DYRK1A: variants seen among roughly 807,000 people sequenced by gnomAD.
DYRK1A encodes the protein dual specificity tyrosine phosphorylation regulated kinase 1A, also known as dual specificity tyrosine-phosphorylation-regulated kinase 1A.
A neutral mutation model predicts 79.7 loss-of-function variants in DYRK1A; 9 were observed. That is an observed-to-expected ratio of 0.11 (90% CI 0.07 to 0.20). The LOEUF is 0.20. Ranked by LOEUF, DYRK1A falls within the 10% of genes least tolerant of loss-of-function variation. The pLI is 1.00. For missense variants in DYRK1A, 622 were observed against 956.0 expected (o/e 0.65, Z 4.61); for synonymous variants, 349 against 329.7 (o/e 1.06, Z -0.63).
intron 6 of DYRK1A, among the ~76,000 whole-genome samples, chr21:37,489,469 G>A (rs978329760): frequency 6.6e-6 from 1 of 152,118 alleles, no homozygotes; most frequent in African/African-American, 2.4e-5. Flanking sequence ...CCACTCACAA[G>A]CCTCCTTATC....
At chr21:37,482,319 G>A (rs569076313) in intron 5 of DYRK1A, among the ~76,000 whole-genome samples, 1 of 152,118 alleles carries the variant, frequency 6.6e-6, no homozygotes, top group Non-Finnish European at 1.5e-5. Context: ...CGGCCGGTTT[G>A]AGAAATAAAG....
At chr21:37,462,315 C>T (rs2051868084) in intron 2 of DYRK1A, among the ~76,000 whole-genome samples, 1 of 152,134 alleles carries the variant, frequency 6.6e-6, no homozygotes, top group African/African-American at 2.4e-5. Flanking sequence ...TCCTGGCAGG[C>T]TGTTAATTCA....
intron 2 of DYRK1A, among the ~76,000 whole-genome samples, chr21:37,440,059 T>C (rs897394748): frequency 3.3e-5 from 5 of 151,444 alleles, no homozygotes; most frequent in African/African-American, 1.2e-4. Flanking sequence ...TGATTTCTGT[T>C]TTTCTGTTTT....
chr21:37,483,555 T>C lies in DYRK1A; in HGVS notation c.489+2729T>C, dbSNP rs554940540. 8.1e-4 allele frequency among the ~76,000 whole-genome samples: 123 copies of C among 152,242 alleles called. 1 individual carries two copies. The highest frequency in any genetic ancestry group is 2.9e-3 in the African/African-American group (119 of 41,550). On this transcript the variant is annotated intron_variant, in intron 5 of 11. Transcript: ENST00000647188. ...TCTTCTGAGGGGGTTTTCAGTGCTT[T>C]GGGAGTCCTTTTTTTTGTTTTGTTT...
intron 1 of DYRK1A, among the ~76,000 whole-genome samples, chr21:37,405,069 CTT>C (rs2050123625): frequency 6.6e-6 from 1 of 152,070 alleles, no homozygotes; most frequent in Admixed American, 6.6e-5. Flanking sequence ...AGACAGTTTT[CTT>C]TTACATTTTA....
rs1404743856 is a variant in DYRK1A, at chr21:37,517,200, A to C, written c.*4669A>C. The C allele has an allele frequency of 2.6e-5, 4 of 152,228 alleles. No individual in the cohort carries two copies. Among genetic ancestry groups the C allele is most frequent in the Non-Finnish European group, 5.9e-5 (4 of 68,100 alleles). 9.4% of individuals were successfully genotyped at this position (152,228 alleles called of 1,614,324 possible). On this transcript the variant is annotated 3_prime_UTR_variant, in exon 12 of 12. Coordinates refer to ENST00000647188, the MANE Select transcript of DYRK1A (RefSeq NM_001347721.2). ...AGAGCCTGAGTCATGTTGACTATTA[A>C]TAAAGTGCATTAAGTTTGGGTCAGG...
chr21:37,416,416 C>G (rs979864510), intron 1 of DYRK1A, among the ~76,000 whole-genome samples: 3 of 144,144 alleles, frequency 2.1e-5, no homozygotes, highest in Non-Finnish European at 3.0e-5. Flanking sequence ...TGAAATCCTC[C>G]TATATAACTG....
At chr21:37,417,436 C>G (rs144926105) in intron 1 of DYRK1A, among the ~76,000 whole-genome samples, 1 of 151,718 alleles carries the variant, frequency 6.6e-6, no homozygotes, top group African/African-American at 2.4e-5. Flanking sequence ...TCAGGTGATA[C>G]GCCCACCTCG....
At chr21:37,444,921 C>T (rs931405390) in intron 2 of DYRK1A, among the ~76,000 whole-genome samples, 6 of 152,000 alleles carry the variant, frequency 3.9e-5, no homozygotes, top group African/African-American at 1.2e-4. Flanking sequence ...GGTGCTACAC[C>T]GAACATATTT....
At chr21:37,480,284 G>A (rs1417679619) in intron 4 of DYRK1A, among the ~76,000 whole-genome samples, 1 of 152,168 alleles carries the variant, frequency 6.6e-6, no homozygotes, top group Non-Finnish European at 1.5e-5. Context: ...TTACTTGGCT[G>A]TTTGGCATTT....
rs981945203 is a variant in DYRK1A at position 37,522,766 on chromosome 21, C to G, written c.*10235C>G. ...TCTGAAGAATCAAGTCTGAGTGATG[C>G]AATGCTGCTTCCTCCTTCCTTCTCA... On this transcript the variant is annotated 3_prime_UTR_variant, in exon 12 of 12. Transcript: ENST00000647188. 1.3e-5 allele frequency: 2 copies of G among 152,266 alleles called. No homozygotes were observed. The highest frequency in any genetic ancestry group is 2.4e-5 in the African/African-American group (1 of 41,452). The allele number at this position is 152,266 out of a possible 1,614,324, so 9.4% of individuals were successfully genotyped here.
Position 37,433,476 on chromosome 21 carries a change from A to G in DYRK1A, c.10+13092A>G, listed in dbSNP as rs1237409825. Among the ~76,000 whole-genome samples the G allele has an allele frequency of 2.6e-5, 4 of 152,344 alleles. No individual in the cohort carries two copies. The East Asian group carries it at 5.8e-4, about 22-fold the overall frequency. ...GAACAAACCAAAATATTAAAGATTC[A>G]TGAGTAAGAGTATGAATGAAATTGG... is the stretch of plus-strand genomic sequence containing the variant. On this transcript the variant is annotated intron_variant, in intron 2 of 11. Coordinates refer to ENST00000647188, the MANE Select transcript of DYRK1A (RefSeq NM_001347721.2).
chr21:37,507,953 A>G (rs948388763), intron 11 of DYRK1A, among the ~76,000 whole-genome samples: 2 of 152,156 alleles, frequency 1.3e-5, no homozygotes, highest in Non-Finnish European at 2.9e-5. Context: ...ATGTGCACAC[A>G]CAGCACATAA....
intron 1 of DYRK1A, among the ~76,000 whole-genome samples, chr21:37,396,827 G>C (rs2049967025): frequency 6.6e-6 from 1 of 152,170 alleles, no homozygotes; most frequent in African/African-American, 2.4e-5. Flanking sequence ...ATCATGTAGA[G>C]AGTAGTGAAT....
At chr21:37,452,048 A>AT (rs2051470283) in intron 2 of DYRK1A, among the ~76,000 whole-genome samples, 1 of 152,058 alleles carries the variant, frequency 6.6e-6, no homozygotes, top group Admixed American at 6.5e-5. Context: ...AGGGGACAGG[A>AT]TGGAGAGAAA....
chr21:37,457,869 G>A (rs2051705227), intron 2 of DYRK1A, among the ~76,000 whole-genome samples: 1 of 152,160 alleles, frequency 6.6e-6, no homozygotes, highest in African/African-American at 2.4e-5. Context: ...TGCTGTGCCT[G>A]CTTTAGAAGA....
intron 1 of DYRK1A, among the ~76,000 whole-genome samples, chr21:37,416,689 TTATG>T (rs1269775499): frequency 6.6e-6 from 1 of 152,148 alleles, no homozygotes; most frequent in Non-Finnish European, 1.5e-5. Flanking sequence ...TAAGTTTAAT[TTATG>T]TAATCTAATT....
At chr21:37,437,141 G>C (rs984020584) in intron 2 of DYRK1A, among the ~76,000 whole-genome samples, 2 of 152,172 alleles carry the variant, frequency 1.3e-5, no homozygotes, top group Non-Finnish European at 2.9e-5. Context: ...CTATGTTGTT[G>C]AGGGCCCTAA....
rs115002606 is a variant in DYRK1A at position 37,405,764 on chromosome 21, A to T, written c.-76-14535A>T. On this transcript the variant is annotated intron_variant, in intron 1 of 11. Coordinates refer to ENST00000647188, the MANE Select transcript of DYRK1A (RefSeq NM_001347721.2). ...GTGTATGGTGTGTGCGTAGTCATAC[A>T]TTAGTGTGATTTTTGTCTGTTTTGA... is the stretch of plus-strand genomic sequence containing the variant. 9.1e-3 allele frequency among the ~76,000 whole-genome samples: 1,378 copies of T among 152,228 alleles called. 19 individuals carry two copies. The highest frequency in any genetic ancestry group is 0.032 in the African/African-American group (1,322 of 41,534).
Sources: gnomAD v4.1 joint callset for allele counts (sites outside exome capture counted in the v4.1 genomes callset) on GRCh38, gnomAD v4.1.1 for gene constraint, MANE v1.5 for transcripts, NCBI Gene and HGNC (gene_info 2026-07-23, HGNC 2026-07-21) for gene names.